NFIL3: variants seen among roughly 807,000 people sequenced by gnomAD.
NFIL3 encodes the protein nuclear factor interleukin-3-regulated protein.
In NFIL3, 5 loss-of-function variants were observed where a neutral mutation model predicts 10.0. The observed-to-expected ratio is 0.50, with a 90% CI of 0.26 to 1.06. The LOEUF (loss-of-function observed/expected upper bound fraction) is 1.06. Ranked by LOEUF, NFIL3 falls within the 50% of genes least tolerant of loss-of-function variation. The pLI is 0.13. For missense variants in NFIL3, 436 were observed against 547.6 expected, an observed-to-expected ratio of 0.80 and a Z score of 2.03; for synonymous variants, 202 against 206.5, an observed-to-expected ratio of 0.98 and a Z score of 0.19.
At chr9:91,432,549 G>T in the NFIL3 span, among the ~76,000 whole-genome samples, 24 of 152,198 alleles carry the variant, frequency 1.6e-4, no homozygotes, top group Non-Finnish European at 3.5e-4. Context: ...AAAAGTAGCA[G>T]AGAAAGATGA....
chr9:91,482,636 A>AGG, the NFIL3 span, among the ~76,000 whole-genome samples: 1 of 151,998 alleles, frequency 6.6e-6, no homozygotes, highest in East Asian at 1.9e-4. Flanking sequence ...AGTAGCTGGG[A>AGG]TTACAGGCGC....
At position 91,423,121 on chromosome 9, in the gene NFIL3, CA is replaced by C. The variant is rs375342052; in HGVS notation, c.-173+518del. On this transcript the variant is annotated intron_variant, in intron 1 of 1. Transcript: ENST00000297689. ...CTGACACAAACAAACGCCGCGCAGG[CA>C]TTCTCCGAATGCCGTCACCGTTCAC... Among the ~76,000 whole-genome samples the C allele has an allele frequency of 4.6e-5, 7 of 152,294 alleles. No individual in the cohort carries two copies. In the South Asian group the frequency reaches 1.4e-3, roughly 32 times the overall value.
At chr9:91,429,919 G>GGCAACTTACTTTTCTCGTCTGCTGTGT in the NFIL3 span, among the ~76,000 whole-genome samples, 6 of 151,892 alleles carry the variant, frequency 4.0e-5, no homozygotes, top group Non-Finnish European at 5.9e-5. Context: ...TGTGGCTGTG[G>GGCAACTTACTTTTCTCGTCTGCTGTGT]GCAACTTACT....
chr9:91,428,055 G>A (rs939813086), upstream of NFIL3, among the ~76,000 whole-genome samples: 1 of 152,126 alleles, frequency 6.6e-6, no homozygotes, highest in South Asian at 2.1e-4. Context: ...TTTTGGCTTT[G>A]ATGCAATGAG....
chr9:91,433,068 C>G, the NFIL3 span, among the ~76,000 whole-genome samples: 1 of 151,754 alleles, frequency 6.6e-6, no homozygotes, highest in Admixed American at 6.6e-5. Flanking sequence ...TGCAATGAGA[C>G]AGGAAAAAAA....
chr9:91,461,469 C>T, the NFIL3 span, among the ~76,000 whole-genome samples: 1 of 150,566 alleles, frequency 6.6e-6, no homozygotes, highest in African/African-American at 2.5e-5. Flanking sequence ...CCACAAACTT[C>T]GTGGCTTAAA....
At chr9:91,461,049 G>A in the NFIL3 span, among the ~76,000 whole-genome samples, 1 of 152,134 alleles carries the variant, frequency 6.6e-6, no homozygotes, top group Non-Finnish European at 1.5e-5. Context: ...TGCTGTCTAT[G>A]CCATGTTTGG....
the NFIL3 span, among the ~76,000 whole-genome samples, chr9:91,462,852 T>A: frequency 6.7e-6 from 1 of 150,256 alleles, no homozygotes; most frequent in African/African-American, 2.4e-5. Flanking sequence ...AAGGAAATAG[T>A]TATTATTATT....
chr9:91,420,720 A>G (rs1387769622), intron 1 of NFIL3, among the ~76,000 whole-genome samples: 1 of 152,218 alleles, frequency 6.6e-6, no homozygotes, highest in Non-Finnish European at 1.5e-5. Flanking sequence ...GATATGCTTC[A>G]GGAGAACATC....
Position 91,409,736 on chromosome 9 carries a change from G to A in NFIL3, c.999C>T (p.Ala333=). ...CAAAGGCTTCTACTTTGATCTGCAT[G>A]GCTTTGGCTTTGATCCGGAGCTTGT... ...LPHKLRIKAK[A]MQIKVEAFDN... Residue 333 remains alanine (A), a synonymous_variant, in exon 2 of 2, where the codon GCC becomes GCT. Transcript: ENST00000297689. 6.2e-7 allele frequency: 1 copy of A among 1,614,182 alleles called. No homozygotes were observed. The highest frequency in any genetic ancestry group is 8.5e-7 in the Non-Finnish European group (1 of 1,180,036).
chr9:91,465,455 C>T, the NFIL3 span, among the ~76,000 whole-genome samples: 1 of 151,250 alleles, frequency 6.6e-6, no homozygotes, highest in African/African-American at 2.4e-5. Flanking sequence ...TTCTTTATTC[C>T]AGTTTCATCT....
At chr9:91,427,803 G>C (rs1296067061), upstream of NFIL3, among the ~76,000 whole-genome samples, 2 of 151,882 alleles carry the variant, frequency 1.3e-5, no homozygotes, top group Admixed American at 6.6e-5. Context: ...ACCATGCCTG[G>C]CTAATTTTTT....
Position 91,412,747 on chromosome 9 carries a change from G to A in NFIL3, c.-172-1841C>T, listed in dbSNP as rs1421673308. ...TAATCCCAGCTACTCGGGAGGCTGA[G>A]GCAGGAGAATCGCTTGAACCCAGGA... On this transcript the variant is annotated intron_variant, in intron 1 of 1. Coordinates refer to ENST00000297689, the MANE Select transcript of NFIL3 (RefSeq NM_005384.3). Among the ~76,000 whole-genome samples, 4 of 152,028 alleles carry A rather than the reference G, an allele frequency of 2.6e-5. 1 individual carries two copies. The highest frequency in any genetic ancestry group is 3.9e-4 in the East Asian group (2 of 5,190).
chr9:91,461,127 G>A, the NFIL3 span, among the ~76,000 whole-genome samples: 30 of 152,144 alleles, frequency 2.0e-4, no homozygotes, highest in African/African-American at 7.0e-4. Context: ...TACTCAGTCA[G>A]GGACGATTAT....
At chr9:91,461,393 A>G in the NFIL3 span, among the ~76,000 whole-genome samples, 1 of 152,194 alleles carries the variant, frequency 6.6e-6, no homozygotes, top group Non-Finnish European at 1.5e-5. Context: ...TGGGGTAAGG[A>G]TTGAGTTGAT....
At chr9:91,435,984 T>C in the NFIL3 span, among the ~76,000 whole-genome samples, 1 of 152,054 alleles carries the variant, frequency 6.6e-6, no homozygotes, top group African/African-American at 2.4e-5. Flanking sequence ...AGCAGAACAG[T>C]AATTTACTAA....
the NFIL3 span, among the ~76,000 whole-genome samples, chr9:91,480,326 G>T: frequency 3.9e-5 from 6 of 152,074 alleles, no homozygotes; most frequent in African/African-American, 1.4e-4. Flanking sequence ...CTAAATTATA[G>T]TAGTTAAACC....
At chr9:91,445,233 T>C in the NFIL3 span, among the ~76,000 whole-genome samples, 3 of 152,018 alleles carry the variant, frequency 2.0e-5, no homozygotes, top group African/African-American at 4.8e-5. Flanking sequence ...CCAGAACCAA[T>C]AGGAAACAGT....
the NFIL3 span, among the ~76,000 whole-genome samples, chr9:91,470,101 G>A: frequency 2.6e-5 from 4 of 152,170 alleles, no homozygotes; most frequent in Non-Finnish European, 5.9e-5. Context: ...GTTTCAGAAG[G>A]AATAGTACCA....
Sources: allele counts gnomAD v4.1 joint callset (sites outside exome capture counted in the v4.1 genomes callset), GRCh38; gene constraint gnomAD v4.1.1; transcripts MANE v1.5; gene names NCBI Gene and HGNC (gene_info 2026-07-23, HGNC 2026-07-21).